KCNIP4: variants seen among roughly 807,000 people sequenced by gnomAD.
The protein encoded by KCNIP4 is potassium voltage-gated channel interacting protein 4, also known as Kv channel-interacting protein 4.
KCNIP4 carries 12 observed loss-of-function variants against 34.0 expected under a neutral mutation model. The observed-to-expected ratio is 0.35, with a 90% CI of 0.23 to 0.57. KCNIP4 has a LOEUF of 0.57. KCNIP4 is among the 20% of genes least tolerant of loss of function. The probability of loss-of-function intolerance (pLI) is 0.83; values close to 1 mark genes in which losing one functional copy is unlikely to be tolerated. For missense variants in KCNIP4, 238 were observed against 311.7 expected (o/e 0.76, Z 1.78); for synonymous variants, 124 against 102.2 (o/e 1.21, Z -1.29).
At chr4:21,584,690 G>A (rs1163670104) in intron 1 of KCNIP4, among the ~76,000 whole-genome samples, 1 of 152,066 alleles carries the variant, frequency 6.6e-6, no homozygotes, top group Non-Finnish European at 1.5e-5. Flanking sequence ...ACCAGTGAGG[G>A]AAAATTCTAA....
chr4:20,781,922 G>T (rs149630186), intron 3 of KCNIP4, among the ~76,000 whole-genome samples: 5 of 152,100 alleles, frequency 3.3e-5, no homozygotes, highest in African/African-American at 1.2e-4. Flanking sequence ...CTGCCTATGA[G>T]CCTGTAAAAT....
intron 1 of KCNIP4, among the ~76,000 whole-genome samples, chr4:21,521,602 T>C (rs944973524): frequency 1.3e-5 from 2 of 152,156 alleles, no homozygotes; most frequent in Non-Finnish European, 2.9e-5. Context: ...TGTAGGGTTG[T>C]CATCTAATTA....
chr4:21,888,488 C>G (rs1726912872), intron 1 of KCNIP4, among the ~76,000 whole-genome samples: 1 of 152,012 alleles, frequency 6.6e-6, no homozygotes, highest in East Asian at 1.9e-4. Context: ...CACCCAAAGC[C>G]TTGTGAACAC....
chr4:20,938,619 G>A (rs1442380306), intron 1 of KCNIP4, among the ~76,000 whole-genome samples: 1 of 152,096 alleles, frequency 6.6e-6, no homozygotes, highest in Non-Finnish European at 1.5e-5. Flanking sequence ...CCTCTAAACT[G>A]CCTAGACTGA....
chr4:21,633,118 C>A (rs545535195), intron 1 of KCNIP4, among the ~76,000 whole-genome samples: 97 of 152,224 alleles, frequency 6.4e-4, no homozygotes, highest in Middle Eastern at 3.4e-3. Flanking sequence ...AGCTCCCTCA[C>A]AAAAATCTTC....
intron 5 of KCNIP4, among the ~76,000 whole-genome samples, chr4:20,744,644 G>T (rs1255663974): frequency 6.6e-6 from 1 of 152,128 alleles, no homozygotes; most frequent in Admixed American, 6.6e-5. Flanking sequence ...GGGAGGGATA[G>T]CATTAGGAGA....
intron 3 of KCNIP4, among the ~76,000 whole-genome samples, chr4:20,804,824 G>C (rs1714855081): frequency 6.6e-6 from 1 of 152,172 alleles, no homozygotes; most frequent in African/African-American, 2.4e-5. Context: ...ATATATGAAA[G>C]TCATAGGGAA....
At chr4:21,495,463 G>A (rs919616298) in intron 1 of KCNIP4, among the ~76,000 whole-genome samples, 2 of 152,140 alleles carry the variant, frequency 1.3e-5, no homozygotes, top group Admixed American at 1.3e-4. Context: ...TTGGAGGAGG[G>A]CAGGAGTCTG....
At chr4:21,757,307 AAAAG>A (rs1717732851) in intron 1 of KCNIP4, among the ~76,000 whole-genome samples, 2 of 151,702 alleles carry the variant, frequency 1.3e-5, no homozygotes, top group South Asian at 4.2e-4. Context: ...AAGAAAAGAG[AAAAG>A]AAAGAAAGAA....
rs184652434 is a variant in KCNIP4 at position 20,829,343 on chromosome 4, G to A, written c.288+21200C>T. 4.3e-3 allele frequency among the ~76,000 whole-genome samples: 659 copies of A among 152,220 alleles called. 2 individuals carry two copies. The highest frequency in any genetic ancestry group is 6.8e-3 in the African/African-American group (284 of 41,520). On this transcript the variant is annotated intron_variant, in intron 3 of 8. Coordinates refer to ENST00000382152, the MANE Select transcript of KCNIP4 (RefSeq NM_025221.6). ...TTGCCTCAGTCTCCTGAGTAGCTGGGACTATAGGCGCCTGCCACCATGCCT... is the reference window on the plus strand; with the variant it reads ...TTGCCTCAGTCTCCTGAGTAGCTGGAACTATAGGCGCCTGCCACCATGCCT...
At chr4:20,777,136 AT>A (rs1460289631) in intron 3 of KCNIP4, among the ~76,000 whole-genome samples, 7 of 152,236 alleles carry the variant, frequency 4.6e-5, no homozygotes, top group African/African-American at 1.7e-4. Flanking sequence ...TAATTGACTC[AT>A]AGTTCCACAG....
chr4:21,906,428 A>C (rs1728005458), intron 1 of KCNIP4, among the ~76,000 whole-genome samples: 1 of 152,180 alleles, frequency 6.6e-6, no homozygotes, highest in Non-Finnish European at 1.5e-5. Context: ...CAAGCCAAGG[A>C]ATGTCAAGAC....
intron 3 of KCNIP4, among the ~76,000 whole-genome samples, chr4:20,845,774 G>A (rs1223533146): frequency 5.9e-5 from 9 of 152,154 alleles, no homozygotes; most frequent in Non-Finnish European, 1.2e-4. Flanking sequence ...TAGGGGCTGC[G>A]TGGCCCTACA....
At chr4:21,597,078 T>A (rs1381293938) in intron 1 of KCNIP4, among the ~76,000 whole-genome samples, 1 of 152,054 alleles carries the variant, frequency 6.6e-6, no homozygotes, top group Non-Finnish European at 1.5e-5. Context: ...AAAATATTGT[T>A]CATTGATATG....
intron 3 of KCNIP4, among the ~76,000 whole-genome samples, chr4:20,775,581 C>T (rs1383955163): frequency 2.7e-5 from 4 of 149,950 alleles, no homozygotes; most frequent in Non-Finnish European, 1.5e-5. Flanking sequence ...TGGTGGCATA[C>T]ACCTTTTGTC....
At chr4:21,324,253 A>G (rs992668197) in intron 1 of KCNIP4, among the ~76,000 whole-genome samples, 11 of 151,890 alleles carry the variant, frequency 7.2e-5, no homozygotes, top group Non-Finnish European at 1.6e-4. Context: ...TTAATTTGAT[A>G]TGATTCCTTT....
chr4:20,762,039 G>A (rs1270144020), intron 3 of KCNIP4, among the ~76,000 whole-genome samples: 1 of 152,056 alleles, frequency 6.6e-6, no homozygotes, highest in Non-Finnish European at 1.5e-5. Context: ...CTTTGTTCAG[G>A]CTCCTTTAAC....
At chr4:21,304,719 T>C (rs1057142011) in intron 1 of KCNIP4, 4 of 152,198 alleles carry the variant, frequency 2.6e-5, no homozygotes, top group Non-Finnish European at 2.9e-5. Context: ...TGAGTCACCT[T>C]ATCCGAAAGC....
At chr4:21,072,905 C>G (rs935290960) in intron 1 of KCNIP4, among the ~76,000 whole-genome samples, 1 of 152,154 alleles carries the variant, frequency 6.6e-6, no homozygotes, top group Non-Finnish European at 1.5e-5. Flanking sequence ...AATAGGGAAT[C>G]CTTTCCCCAT....
Sources: gnomAD v4.1 joint callset for allele counts (sites outside exome capture counted in the v4.1 genomes callset) on GRCh38, gnomAD v4.1.1 for gene constraint, MANE v1.5 for transcripts, NCBI Gene and HGNC (gene_info 2026-07-23, HGNC 2026-07-21) for gene names.